Variants in MPPE1 observed in about 807,000 individuals in gnomAD.
The protein encoded by MPPE1 is metallophosphoesterase 1, also known as metallo phosphoesterase.
MPPE1 carries 28 observed loss-of-function variants against 43.8 expected under a neutral mutation model. The ratio of observed to expected loss-of-function variants is 0.64; its 90% CI spans 0.47 to 0.88. MPPE1 has a LOEUF of 0.88. Ranked by LOEUF, MPPE1 falls within the 40% of genes least tolerant of loss-of-function variation. The pLI is 0.00. For missense variants in MPPE1, 428 were observed against 492.2 expected, an observed-to-expected ratio of 0.87 and a Z score of 1.23; for synonymous variants, 159 against 188.5, an observed-to-expected ratio of 0.84 and a Z score of 1.28.
At chr18:11,902,126 A>C (rs1442493192) in intron 2 of MPPE1, 1 of 152,152 alleles carries the variant, frequency 6.6e-6, no homozygotes, top group African/African-American at 2.4e-5. Context: ...TGAGTGAAAA[A>C]TATCACTAAT....
rs988216867 is a variant in MPPE1, at chr18:11,883,318, C to T, written c.*1127G>A. ...TTCCCCTTGCACTGTCAAAGTAAAA[C>T]AAGAAAACTGAAAAGCTGCACCCCC... On this transcript the variant is annotated 3_prime_UTR_variant, in exon 11 of 11. Coordinates refer to ENST00000588072, the MANE Select transcript of MPPE1 (RefSeq NM_023075.6). The T allele has an allele frequency of 6.6e-6, 1 of 152,426 alleles. No individual in the cohort carries two copies. The highest frequency in any genetic ancestry group is 1.5e-5 in the Non-Finnish European group (1 of 67,986). 9.4% of individuals were successfully genotyped at this position (152,426 alleles called of 1,614,324 possible).
At chr18:11,885,422 C>G in intron 10 of MPPE1, 1 of 504,824 alleles carries the variant, frequency 2.0e-6, no homozygotes, top group Non-Finnish European at 3.5e-6. Flanking sequence ...AGGATACGGC[C>G]CTCCCTGAAG....
At chr18:11,906,504 A>G (rs896116937) in intron 1 of MPPE1, among the ~76,000 whole-genome samples, 195 bp from the exon 2 acceptor site, 7 of 152,218 alleles carry the variant, frequency 4.6e-5, no homozygotes, top group Admixed American at 6.5e-5. Flanking sequence ...TAAATTATAT[A>G]AAACATTTCT....
At chr18:11,887,049 G>C in intron 6 of MPPE1, 24 bp from the exon 7 acceptor site, 1 of 1,555,710 alleles carries the variant, frequency 6.4e-7, no homozygotes, top group Non-Finnish European at 8.9e-7. Context: ...AAACGCAGGT[G>C]AGGCCGCTGG....
At chr18:11,903,503 A>G (rs1010769352) in intron 2 of MPPE1, among the ~76,000 whole-genome samples, 1 of 152,150 alleles carries the variant, frequency 6.6e-6, no homozygotes, top group Non-Finnish European at 1.5e-5. Context: ...AAGTCCTAGG[A>G]TTACGGTTAA....
In MPPE1 at chr18:11,886,885, A is replaced by G; in HGVS notation, c.678+32T>C. The G allele has an allele frequency of 1.3e-6, 2 of 1,599,860 alleles. No individual in the cohort carries two copies. The highest frequency in any genetic ancestry group is 1.7e-6 in the Non-Finnish European group (2 of 1,169,274). ...ACCGAAGCGGAGCAACACGGGACAG[A>G]AGGCACCTGTGGCATTCAGATGCTC... On this transcript the variant is annotated intron_variant, in intron 7 of 10. Transcript: ENST00000588072. The surrounding 1 kb of genome is among the most constrained non-coding windows in gnomAD (Gnocchi z 4.1).
rs113976004 is a variant in MPPE1, at chr18:11,887,350, A to G, written c.570-325T>C. Among the ~76,000 whole-genome samples the G allele has an allele frequency of 3.2e-3, 424 of 131,426 alleles. 3 individuals carry two copies. The highest frequency in any genetic ancestry group is 0.012 in the Admixed American group (164 of 13,776). 86.2% of individuals were successfully genotyped at this position (131,426 alleles called of 152,430 possible). ...CCTCATCTGTTACAGCGCCTCTTCC[A>G]TGCAGGGCTAAGAACCCTATGCCCA... On this transcript the variant is annotated intron_variant, in intron 6 of 10. Transcript: ENST00000588072.
rs200578976 is a variant in MPPE1, at chr18:11,886,563, G to C, written c.803C>G (p.Ala268Gly). The stretch of plus-strand genomic sequence containing the variant: ...CTTAAATGGGATGTCCCTTTCCTCT[G>C]CAGGAGCAGCGTCTTCCCCAGAACA... ...ANCSGEDAAPAEERDIPFKEN... is the reference protein window; with the variant it reads ...ANCSGEDAAPGEERDIPFKEN... Residue 268 changes from alanine to glycine, a missense_variant, in exon 9 of 11, where the codon GCA (alanine) becomes GGA (glycine). By Grantham distance (60) the Ala-to-Gly change is moderately conservative. Coordinates refer to ENST00000588072, the MANE Select transcript of MPPE1 (RefSeq NM_023075.6). This position sits in a 1 kb window ranked among gnomAD's most constrained non-coding sequence, Gnocchi z 4.1. The C allele has an allele frequency of 6.2e-7, 1 of 1,614,182 alleles. No homozygotes were observed. Among genetic ancestry groups the C allele is most frequent in the Non-Finnish European group, 8.5e-7 (1 of 1,180,026 alleles).
rs1040501361 is a variant in MPPE1, at chr18:11,906,648, G to A, written c.-199-339C>T. On this transcript the variant is annotated intron_variant, in intron 1 of 10. Transcript: ENST00000588072. ...GAGGTGGGTGATCACCTGAGGTCGG[G>A]AGTTCAAGACCAGCCTGACCAACAT... Among the ~76,000 whole-genome samples, 11 of 152,002 alleles carry A rather than the reference G, an allele frequency of 7.2e-5. No individual in the cohort carries two copies. In the South Asian group the frequency reaches 1.7e-3, roughly 23 times the overall value.
Position 11,886,646 on chromosome 18 carries a change from C to G in MPPE1, c.745-25G>C. On this transcript the variant is annotated intron_variant, in intron 8 of 10. Transcript: ENST00000588072. This position sits in a 1 kb window ranked among gnomAD's most constrained non-coding sequence, Gnocchi z 4.1. ...GCTGTCCGGGGTGGAGAGAGGAGTTCAGGCGGCTATCGTGAAACCACAGGC... is the reference window on the plus strand; with the variant it reads ...GCTGTCCGGGGTGGAGAGAGGAGTTGAGGCGGCTATCGTGAAACCACAGGC... 3 of 1,614,112 alleles carry G rather than the reference C, an allele frequency of 1.9e-6. No homozygotes were observed. Among genetic ancestry groups the G allele is most frequent in the East Asian group, 4.5e-5 (2 of 44,882 alleles).
intron 2 of MPPE1, among the ~76,000 whole-genome samples, chr18:11,903,688 C>T (rs1256505758): frequency 1.3e-5 from 2 of 152,168 alleles, no homozygotes; most frequent in African/African-American, 4.8e-5. Flanking sequence ...TGCCTATAGT[C>T]CCAGCTACTC....
At chr18:11,884,682 G>C (rs1021613836) in intron 10 of MPPE1, 55 bp from the exon 11 acceptor site, 2 of 1,552,142 alleles carry the variant, frequency 1.3e-6, no homozygotes, top group Admixed American at 3.4e-5. Context: ...GTTGAACACC[G>C]CAGTCTTAGA....
chr18:11,886,467 A>G lies in MPPE1; in HGVS notation c.867+32T>C, dbSNP rs772196378. On this transcript the variant is annotated intron_variant, in intron 9 of 10. Transcript: ENST00000588072. The surrounding 1 kb of genome is among the most constrained non-coding windows in gnomAD (Gnocchi z 4.1). The stretch of plus-strand genomic sequence containing the variant: ...GCAAGGTGATGAGAGTCACACTGTG[A>G]CATGAATTAGCATCACGACACCCTG... 1.2e-6 allele frequency: 2 copies of G among 1,614,036 alleles called. No homozygotes were observed. The highest frequency in any genetic ancestry group is 1.1e-5 in the South Asian group (1 of 91,082).
At chr18:11,904,584 A>G (rs1244583047) in intron 2 of MPPE1, among the ~76,000 whole-genome samples, 1 of 152,108 alleles carries the variant, frequency 6.6e-6, no homozygotes, top group Admixed American at 6.6e-5. Context: ...CTCCCAAAAT[A>G]CTGGGATTAC....
At chr18:11,887,728 A>C (rs2037501368) in intron 6 of MPPE1, among the ~76,000 whole-genome samples, 2 of 152,212 alleles carry the variant, frequency 1.3e-5, no homozygotes, top group Non-Finnish European at 2.9e-5. Flanking sequence ...CTTGAAATTT[A>C]ACTCGTTTTA....
intron 2 of MPPE1, among the ~76,000 whole-genome samples, chr18:11,901,166 G>A (rs1323079357): frequency 6.6e-6 from 1 of 151,844 alleles, no homozygotes; most frequent in African/African-American, 2.4e-5. Context: ...CTTCCATTGG[G>A]GACTGTCATT....
chr18:11,892,004 TGCCCAG>T (rs1347444872), intron 4 of MPPE1, among the ~76,000 whole-genome samples: 6 of 152,224 alleles, frequency 3.9e-5, no homozygotes, highest in Admixed American at 3.3e-4. Context: ...AGCACTAAGT[TGCCCAG>T]GCTGGTTTTG....
chr18:11,904,763 C>T (rs1365700765), intron 2 of MPPE1, among the ~76,000 whole-genome samples: 1 of 151,580 alleles, frequency 6.6e-6, no homozygotes, highest in Non-Finnish European at 1.5e-5. Flanking sequence ...TGGTGAAACC[C>T]CATCTCTACT....
intron 2 of MPPE1, among the ~76,000 whole-genome samples, chr18:11,904,269 TA>T (rs1398462073): frequency 2.0e-5 from 3 of 152,104 alleles, no homozygotes; most frequent in African/African-American, 7.2e-5. Context: ...AAGACCCTAA[TA>T]ACCATGTGAA....
Sources: gnomAD v4.1 joint callset for allele counts (sites outside exome capture counted in the v4.1 genomes callset) on GRCh38, gnomAD v4.1.1 for gene constraint, Gnocchi (gnomAD v3.1) non-coding constraint, MANE v1.5 for transcripts, NCBI Gene and HGNC (gene_info 2026-07-23, HGNC 2026-07-21) for gene names.